Variants in CCDC7 observed in about 807,000 individuals in gnomAD.
CCDC7 encodes the protein coiled-coil domain containing 7.
In CCDC7, 183 loss-of-function variants were observed where a neutral mutation model predicts 196.9. That is an observed-to-expected ratio of 0.93 (90% confidence interval 0.82 to 1.05). The LOEUF is 1.05. Among genes scored for constraint, CCDC7 ranks in the 50% least tolerant of loss-of-function variants. CCDC7 has a pLI of 0.00. For synonymous variants in CCDC7, 525 were observed against 484.6 expected (o/e 1.08, Z -1.10); for missense variants, 1,540 against 1,482.2 (o/e 1.04, Z -0.64).
downstream of CCDC7, chr10:32,876,428 G>A (rs140980176): frequency 2.5e-6 from 4 of 1,570,256 alleles, no homozygotes; most frequent in Non-Finnish European, 3.5e-6. Flanking sequence ...TAAGCAACAT[G>A]ACAAATTCAG....
chr10:32,668,005 G>A (rs1257244798), intron 21 of CCDC7, among the ~76,000 whole-genome samples: 2 of 152,026 alleles, frequency 1.3e-5, no homozygotes, highest in Non-Finnish European at 2.9e-5. Context: ...CCATGAGTAT[G>A]GGATGTTCTT....
intron 30 of CCDC7, among the ~76,000 whole-genome samples, chr10:32,812,588 T>C (rs1016149475): frequency 6.6e-6 from 1 of 152,100 alleles, no homozygotes; most frequent in African/African-American, 2.4e-5. Flanking sequence ...TTAAAATCCA[T>C]AGAATTTAAG....
At chr10:32,528,770 ACACACACATTATTCCATGGAATACTTT>A (rs1252255662) in intron 11 of CCDC7, among the ~76,000 whole-genome samples, 2 of 148,924 alleles carry the variant, frequency 1.3e-5, no homozygotes, top group Admixed American at 6.7e-5. Flanking sequence ...ATTTACATAT[ACACACACATTATTCCATGGAATACTTT>A]TATATATATA....
chr10:32,687,444 A>G (rs910462650), intron 22 of CCDC7, among the ~76,000 whole-genome samples: 1 of 152,168 alleles, frequency 6.6e-6, no homozygotes, highest in Non-Finnish European at 1.5e-5. Context: ...CTATATCAAT[A>G]ATATATTCAG....
chr10:32,446,039 G>A (rs74128913), upstream of CCDC7: 12 of 152,316 alleles, frequency 7.9e-5, no homozygotes, highest in African/African-American at 2.9e-4. Context: ...CCGCCAAACT[G>A]CGTCTCCTCT....
intron 40 of CCDC7, among the ~76,000 whole-genome samples, chr10:32,852,620 A>T (rs1376636396): frequency 6.6e-6 from 1 of 152,130 alleles, no homozygotes; most frequent in Non-Finnish European, 1.5e-5. Context: ...ACTTTTAAAA[A>T]ATGTAAATCA....
chr10:32,611,832 A>T (rs2062177040), intron 18 of CCDC7, among the ~76,000 whole-genome samples: 2 of 152,172 alleles, frequency 1.3e-5, no homozygotes, highest in African/African-American at 4.8e-5. Context: ...GCCTTGTAGT[A>T]TAATTTGAAG....
intron 9 of CCDC7, among the ~76,000 whole-genome samples, chr10:32,515,731 G>A (rs2046920174): frequency 1.3e-5 from 2 of 151,336 alleles, no homozygotes; most frequent in African/African-American, 2.4e-5. Context: ...TTGTAGAGGC[G>A]GGGTTTCACT....
At chr10:32,597,464 A>T (rs112225353) in intron 18 of CCDC7, among the ~76,000 whole-genome samples, 2 of 152,104 alleles carry the variant, frequency 1.3e-5, no homozygotes, top group African/African-American at 4.8e-5. Context: ...ATGGGTTCGA[A>T]CATCCTCCTT....
chr10:32,467,358 C>T (rs183651200), intron 5 of CCDC7, among the ~76,000 whole-genome samples: 1 of 152,022 alleles, frequency 6.6e-6, no homozygotes, highest in South Asian at 2.1e-4. Context: ...GCAATCTGCC[C>T]GCCTCAGCCT....
chr10:32,601,951 G>A (rs2061070885), intron 18 of CCDC7, among the ~76,000 whole-genome samples: 1 of 152,122 alleles, frequency 6.6e-6, no homozygotes, highest in South Asian at 2.1e-4. Flanking sequence ...ATGTGGGCGG[G>A]GCCAAATAAG....
At chr10:32,637,155 A>G (rs2065807945) in intron 20 of CCDC7, among the ~76,000 whole-genome samples, 2 of 152,174 alleles carry the variant, frequency 1.3e-5, no homozygotes, top group Admixed American at 6.5e-5. Context: ...GTAGATTGCA[A>G]AAGTTTTCTC....
At chr10:32,720,756 C>T (rs1046072898) in intron 25 of CCDC7, among the ~76,000 whole-genome samples, 15 of 152,054 alleles carry the variant, frequency 9.9e-5, no homozygotes, top group African/African-American at 3.6e-4. Context: ...TGTGCACTAC[C>T]TAAAAGTGCC....
chr10:32,652,848 G>C (rs1485635766), intron 20 of CCDC7, among the ~76,000 whole-genome samples: 2 of 152,122 alleles, frequency 1.3e-5, no homozygotes, highest in Admixed American at 1.3e-4. Flanking sequence ...CACAGTTACA[G>C]TATTAGAGTA....
At chr10:32,629,514 G>A (rs1197738301) in intron 18 of CCDC7, among the ~76,000 whole-genome samples, 1 of 152,068 alleles carries the variant, frequency 6.6e-6, no homozygotes, top group Non-Finnish European at 1.5e-5. Flanking sequence ...CTACAAGAGA[G>A]AGAGTCCTCA....
At chr10:32,642,549 A>G (rs972384344) in intron 20 of CCDC7, among the ~76,000 whole-genome samples, 1 of 151,674 alleles carries the variant, frequency 6.6e-6, no homozygotes, top group Non-Finnish European at 1.5e-5. Flanking sequence ...CACCTGGAAA[A>G]GGGTGCCACC....
At chr10:32,715,374 A>C (rs945550111) in intron 25 of CCDC7, among the ~76,000 whole-genome samples, 2 of 152,184 alleles carry the variant, frequency 1.3e-5, no homozygotes, top group Non-Finnish European at 2.9e-5. Flanking sequence ...AAGGAAACCC[A>C]CGCAAAAACC....
intron 28 of CCDC7, among the ~76,000 whole-genome samples, chr10:32,743,176 C>T (rs564779583): frequency 6.6e-6 from 1 of 152,082 alleles, no homozygotes; most frequent in Non-Finnish European, 1.5e-5. Flanking sequence ...GGGTAAATAT[C>T]AAGTAGTGCA....
At position 32,860,570 on chromosome 10, in the gene CCDC7, C is replaced by A. The variant is rs2093943043; in HGVS notation, c.4111+6081C>A. 1.3e-5 allele frequency among the ~76,000 whole-genome samples: 2 copies of A among 152,164 alleles called. 1 individual carries two copies. Among genetic ancestry groups the A allele is most frequent in the East Asian group, 3.8e-4 (2 of 5,198 alleles). On this transcript the variant is annotated intron_variant, in intron 41 of 41. Transcript: ENST00000639629. ...TGTTGGAAGTTCTGGCCAGGGCAAT[C>A]AGGCAAGAGAAAGAAATAAAGCGTA...
Sources: gnomAD v4.1 joint callset for allele counts (sites outside exome capture counted in the v4.1 genomes callset) on GRCh38, gnomAD v4.1.1 for gene constraint, MANE v1.5 for transcripts, NCBI Gene and HGNC (gene_info 2026-07-23, HGNC 2026-07-21) for gene names.